Variants in SHISA9 observed in about 807,000 individuals in gnomAD.
SHISA9 encodes the protein protein shisa-9.
SHISA9 carries 13 observed loss-of-function variants against 38.0 expected under a neutral mutation model. That is an observed-to-expected ratio of 0.34 (90% CI 0.22 to 0.54). The LOEUF (loss-of-function observed/expected upper bound fraction) is 0.54. Ranked by LOEUF, SHISA9 falls within the 20% of genes least tolerant of loss-of-function variation. SHISA9 has a pLI of 0.91. For missense variants in SHISA9, 538 were observed against 575.8 expected (o/e 0.93, Z 0.67); for synonymous variants, 275 against 242.0 (o/e 1.14, Z -1.27).
At chr16:13,546,362 T>C in the SHISA9 span, among the ~76,000 whole-genome samples, 1 of 152,228 alleles carries the variant, frequency 6.6e-6, no homozygotes, top group Admixed American at 6.5e-5. Flanking sequence ...TCTTATTTCA[T>C]ACTGAAGAAT....
chr16:13,077,240 CTTCTTT>C (rs894079179), intron 2 of SHISA9, among the ~76,000 whole-genome samples: 8 of 149,370 alleles, frequency 5.4e-5, no homozygotes, highest in African/African-American at 2.1e-4. Flanking sequence ...TCTTCTTCTT[CTTCTTT>C]TTTTTTTTTA....
rs1172628666 is a variant in SHISA9 at position 13,064,210 on chromosome 16, T to C, written c.692-139184T>C. ...TTTGCACTGAGAGCCAAGATTTGAA[T>C]AGTTTTAATGCCAGGCCACAGTCAT... On this transcript the variant is annotated intron_variant, in intron 2 of 4. Transcript: ENST00000558583. 2.0e-5 allele frequency among the ~76,000 whole-genome samples: 3 copies of C among 152,192 alleles called. No individual in the cohort carries two copies. The East Asian group carries it at 5.8e-4, about 29-fold the overall frequency.
chr16:13,142,944 C>T (rs2141997679), intron 2 of SHISA9, among the ~76,000 whole-genome samples: 1 of 151,326 alleles, frequency 6.6e-6, no homozygotes, highest in Admixed American at 6.6e-5. Flanking sequence ...TGGGGATGAA[C>T]TTAGCATTCT....
At chr16:13,055,531 A>C (rs1004739123) in intron 2 of SHISA9, among the ~76,000 whole-genome samples, 1 of 152,172 alleles carries the variant, frequency 6.6e-6, no homozygotes, top group Non-Finnish European at 1.5e-5. Context: ...GATCATGAGA[A>C]AGTGTCTTGG....
intron 2 of SHISA9, 27 bp downstream of exon 2, chr16:12,916,842 C>T (rs1210555349): frequency 1.9e-6 from 3 of 1,548,672 alleles, no homozygotes; most frequent in African/African-American, 2.7e-5. Flanking sequence ...GAACCATTTC[C>T]AGTCCCATGG....
chr16:13,244,877 C>A (rs1364308755), downstream of SHISA9, among the ~76,000 whole-genome samples: 1 of 152,128 alleles, frequency 6.6e-6, no homozygotes, highest in Admixed American at 6.6e-5. Context: ...TGACAAAGTC[C>A]CAGGTCGGTG....
At chr16:12,987,627 T>C (rs558415491) in intron 2 of SHISA9, among the ~76,000 whole-genome samples, 2 of 152,194 alleles carry the variant, frequency 1.3e-5, no homozygotes, top group African/African-American at 2.4e-5. Flanking sequence ...TCAGGATAAA[T>C]AGCTAATGCA....
At chr16:13,300,444 C>T in the SHISA9 span, among the ~76,000 whole-genome samples, 1 of 152,094 alleles carries the variant, frequency 6.6e-6, no homozygotes, top group Non-Finnish European at 1.5e-5. Context: ...TCCTGCATTT[C>T]CCTCGACCTA....
At chr16:13,137,542 G>A (rs551264557) in intron 2 of SHISA9, among the ~76,000 whole-genome samples, 8 of 146,932 alleles carry the variant, frequency 5.4e-5, no homozygotes, top group South Asian at 2.2e-4. Context: ...TGCAACGTCC[G>A]CCTCCCGGGT....
the SHISA9 span, among the ~76,000 whole-genome samples, chr16:13,492,985 G>C: frequency 6.6e-6 from 1 of 152,166 alleles, no homozygotes; most frequent in South Asian, 2.1e-4. Flanking sequence ...AGATTGGAGA[G>C]ATAGAAAGGG....
chr16:13,376,481 C>T, the SHISA9 span, among the ~76,000 whole-genome samples: 6 of 152,178 alleles, frequency 3.9e-5, no homozygotes, highest in African/African-American at 1.4e-4. Flanking sequence ...TCTAATGTAT[C>T]TGAAGTCATT....
At chr16:13,400,319 C>T in the SHISA9 span, among the ~76,000 whole-genome samples, 106,508 of 151,820 alleles carry the variant, frequency 0.7, 37,557 homozygotes, top group Admixed American at 0.8. Context: ...TAGCACCCTG[C>T]TAATTTACTT....
chr16:13,469,433 AAGAG>A, the SHISA9 span, among the ~76,000 whole-genome samples: 2,294 of 132,176 alleles, frequency 0.017, 84 homozygotes, highest in Middle Eastern at 0.03. Flanking sequence ...AAAAGAAAGA[AAGAG>A]AAAGAAAGAG....
chr16:13,066,246 C>T (rs1161807966), intron 2 of SHISA9, among the ~76,000 whole-genome samples: 2 of 152,188 alleles, frequency 1.3e-5, no homozygotes, highest in Non-Finnish European at 2.9e-5. Flanking sequence ...CTGCACTTGA[C>T]ATGTAGTGTG....
chr16:13,266,439 A>G, the SHISA9 span, among the ~76,000 whole-genome samples: 1 of 152,182 alleles, frequency 6.6e-6, no homozygotes, highest in Non-Finnish European at 1.5e-5. Context: ...GCTTCTCTGG[A>G]ATGACTGCAG....
chr16:13,207,743 T>C (rs375369957), intron 3 of SHISA9, among the ~76,000 whole-genome samples: 6 of 152,338 alleles, frequency 3.9e-5, no homozygotes, highest in African/African-American at 1.4e-4. Flanking sequence ...CCTGCACATA[T>C]AAAATGCAAA....
At chr16:13,346,079 C>G in the SHISA9 span, among the ~76,000 whole-genome samples, 2 of 152,026 alleles carry the variant, frequency 1.3e-5, no homozygotes, top group African/African-American at 4.8e-5. Flanking sequence ...GTATATTGTA[C>G]CCATTAAGTA....
the SHISA9 span, among the ~76,000 whole-genome samples, chr16:13,555,748 T>A: frequency 6.6e-6 from 1 of 152,190 alleles, no homozygotes. Context: ...TCCCTTGTTC[T>A]CTTCCTGAGG....
chr16:13,356,830 G>A, the SHISA9 span, among the ~76,000 whole-genome samples: 2 of 152,136 alleles, frequency 1.3e-5, no homozygotes, highest in Admixed American at 1.3e-4. Context: ...CCTATTTTAC[G>A]ACAAGAATTA....
Sources: gnomAD v4.1 joint callset for allele counts (sites outside exome capture counted in the v4.1 genomes callset) on GRCh38, gnomAD v4.1.1 for gene constraint, MANE v1.5 for transcripts, NCBI Gene and HGNC (gene_info 2026-07-23, HGNC 2026-07-21) for gene names.